Variants in PDE4D observed in about 807,000 individuals in gnomAD.
PDE4D encodes the protein phosphodiesterase 4D, also known as 3',5'-cyclic-AMP phosphodiesterase 4D.
Under a neutral mutation model 87.4 loss-of-function variants are expected in PDE4D, and 24 were observed. That is an observed-to-expected ratio of 0.27 (90% CI 0.20 to 0.39). PDE4D has a LOEUF of 0.39. Among genes scored for constraint, PDE4D ranks in the 10% least tolerant of loss-of-function variants. PDE4D has a pLI of 1.00. For missense variants in PDE4D, 714 were observed against 1,041.0 expected (o/e 0.69, Z 4.32); for synonymous variants, 384 against 383.2 (o/e 1.00, Z -0.02).
At chr5:59,656,136 T>C (rs1744317243) in intron 1 of PDE4D, among the ~76,000 whole-genome samples, 1 of 151,904 alleles carries the variant, frequency 6.6e-6, no homozygotes, top group South Asian at 2.1e-4. Context: ...CACAATCACC[T>C]CACAGACACA....
chr5:59,973,019 GC>G (rs1363474736), intron 3 of PDE4D, among the ~76,000 whole-genome samples: 1 of 151,994 alleles, frequency 6.6e-6, no homozygotes, highest in Non-Finnish European at 1.5e-5. Context: ...ATTCTGAAAG[GC>G]CCAAGTATCC....
In PDE4D at chr5:59,160,835, C is replaced by T. The variant is rs377401099; in HGVS notation, c.808+19760G>A. The stretch of plus-strand genomic sequence containing the variant: ...GTTTTTGGCCGGGTGTGGTGGCTCA[C>T]GCCTGTAATCCCAGCACTTTGGGAG... On this transcript the variant is annotated intron_variant, in intron 5 of 14. Transcript: ENST00000340635. Among the ~76,000 whole-genome samples, 29 of 152,218 alleles carry T rather than the reference C, an allele frequency of 1.9e-4. No homozygotes were observed. In the East Asian group the frequency reaches 2.3e-3, roughly 12 times the overall value.
At chr5:59,899,911 A>G (rs898857979) in intron 3 of PDE4D, among the ~76,000 whole-genome samples, 2 of 152,186 alleles carry the variant, frequency 1.3e-5, no homozygotes, top group African/African-American at 4.8e-5. Context: ...TTGCATTCAT[A>G]TAGCTACAGA....
intron 2 of PDE4D, among the ~76,000 whole-genome samples, chr5:60,028,170 C>T (rs552175447): frequency 4.2e-4 from 64 of 152,298 alleles, no homozygotes; most frequent in African/African-American, 1.5e-3. Flanking sequence ...CTGTTAATCA[C>T]TTATCACTGT....
chr5:59,146,121 C>T (rs1005445520), intron 5 of PDE4D, among the ~76,000 whole-genome samples: 2 of 152,032 alleles, frequency 1.3e-5, no homozygotes, highest in East Asian at 3.9e-4. Context: ...AGCAAGATTC[C>T]GTCTCCAATA....
At chr5:60,482,219 A>T (rs1042544546) in intron 1 of PDE4D, among the ~76,000 whole-genome samples, 1 of 152,130 alleles carries the variant, frequency 6.6e-6, no homozygotes, top group African/African-American at 2.4e-5. Context: ...ATGTGAAGAT[A>T]ATAGGAGAAG....
intron 1 of PDE4D, among the ~76,000 whole-genome samples, chr5:59,312,948 G>A (rs879776919): frequency 1.3e-4 from 20 of 152,224 alleles, no homozygotes; most frequent in Admixed American, 1.3e-3. Context: ...CCAAATGGGA[G>A]GAAGCCCCAC....
At chr5:59,241,549 C>T (rs1000765120) in intron 1 of PDE4D, among the ~76,000 whole-genome samples, 3 of 152,150 alleles carry the variant, frequency 2.0e-5, no homozygotes, top group South Asian at 2.1e-4. Context: ...ATTTGTTAAG[C>T]GCCCAGCTTA....
intron 1 of PDE4D, among the ~76,000 whole-genome samples, chr5:59,507,275 T>C (rs1464218705): frequency 6.6e-6 from 1 of 152,138 alleles, no homozygotes; most frequent in East Asian, 1.9e-4. Flanking sequence ...GAGGCTGCAG[T>C]GAGACGAGTT....
At chr5:59,753,479 C>A (rs1353517808) in intron 1 of PDE4D, among the ~76,000 whole-genome samples, 6 of 152,088 alleles carry the variant, frequency 3.9e-5, no homozygotes, top group African/African-American at 1.4e-4. Context: ...AAGAGTGGAT[C>A]TTCCACGTGG....
At chr5:60,067,390 A>G (rs1772219023) in intron 2 of PDE4D, among the ~76,000 whole-genome samples, 1 of 152,080 alleles carries the variant, frequency 6.6e-6, no homozygotes, top group South Asian at 2.1e-4. Flanking sequence ...AGATGAATTA[A>G]AGGGAGTTTC....
chr5:60,471,679 G>T (rs577729021), intron 1 of PDE4D, among the ~76,000 whole-genome samples: 69 of 152,244 alleles, frequency 4.5e-4, no homozygotes, highest in Non-Finnish European at 7.8e-4. Context: ...CTTGCTGCAG[G>T]CTCAGTGATC....
chr5:59,814,825 TAAG>T (rs1186255917), intron 1 of PDE4D, among the ~76,000 whole-genome samples: 1 of 151,654 alleles, frequency 6.6e-6, no homozygotes, highest in Non-Finnish European at 1.5e-5. Flanking sequence ...GAAAATGTGG[TAAG>T]GAGGAGGAAA....
At position 59,472,856 on chromosome 5, in the gene PDE4D, G is replaced by A. The variant is rs114399265; in HGVS notation, c.456-256888C>T. Among the ~76,000 whole-genome samples, 529 of 152,028 alleles carry A rather than the reference G, an allele frequency of 3.5e-3. 5 individuals are homozygous for A. The highest frequency in any genetic ancestry group is 0.012 in the African/African-American group (517 of 41,496). On this transcript the variant is annotated intron_variant, in intron 1 of 14. Coordinates refer to ENST00000340635, the MANE Select transcript of PDE4D (RefSeq NM_001104631.2). ...TAATGACTTAAAAAAAAGAACTTTG[G>A]ACTAGAAATGCTCTCAACATAGGAG...
Position 59,220,422 on chromosome 5 carries a change from T to TA in PDE4D, c.456-4455dup, listed in dbSNP as rs369438971. 2.2e-3 allele frequency among the ~76,000 whole-genome samples: 255 copies of TA among 114,634 alleles called. 1 individual carries two copies. Among genetic ancestry groups the TA allele is most frequent in the African/African-American group, 6.9e-3 (221 of 32,080 alleles). 75.2% of individuals were successfully genotyped at this position (114,634 alleles called of 152,430 possible). A position where few individuals can be genotyped will look rare whatever the true frequency, so the allele number is the denominator to read the frequency against. Reference sequence around the variant, plus strand: ...AAAAAAGAAAGACAAAAAACAGAGTTAAAAAAAAAAAGGAGAAAAATAAAT... The same window carrying TA: ...AAAAAAGAAAGACAAAAAACAGAGTTAAAAAAAAAAAAGGAGAAAAATAAAT... On this transcript the variant is annotated intron_variant, in intron 1 of 14. Coordinates refer to ENST00000340635, the MANE Select transcript of PDE4D (RefSeq NM_001104631.2).
chr5:59,953,705 T>A (rs896734982), intron 3 of PDE4D, among the ~76,000 whole-genome samples: 4 of 152,178 alleles, frequency 2.6e-5, no homozygotes, highest in African/African-American at 7.2e-5. Flanking sequence ...AGGAATATTA[T>A]GAACAATTAA....
intron 3 of PDE4D, among the ~76,000 whole-genome samples, chr5:59,939,978 T>C (rs902576200): frequency 1.2e-4 from 18 of 152,134 alleles, no homozygotes; most frequent in Admixed American, 5.9e-4. Flanking sequence ...TTATTACTCA[T>C]ACAAGTGGAC....
At position 59,594,439 on chromosome 5, in the gene PDE4D, G is replaced by C. The variant is rs955731365; in HGVS notation, c.455+298729C>G. ...GGGTTCAAGCAATTCTCCTGCCTCA[G>C]CCTCCCCAGTAGCTAGGATTAGAGG... On this transcript the variant is annotated intron_variant, in intron 1 of 14. Coordinates refer to ENST00000340635, the MANE Select transcript of PDE4D (RefSeq NM_001104631.2). Among the ~76,000 whole-genome samples the C allele has an allele frequency of 6.6e-5, 10 of 152,058 alleles. 1 individual carries two copies. In the South Asian group the frequency reaches 2.1e-3, roughly 32 times the overall value.
At chr5:59,793,207 G>C (rs1766026747) in intron 1 of PDE4D, among the ~76,000 whole-genome samples, 4 of 152,194 alleles carry the variant, frequency 2.6e-5, no homozygotes, top group African/African-American at 4.8e-5. Context: ...CACGTCCTGG[G>C]AGATGTCCAG....
Sources: gnomAD v4.1 joint callset for allele counts (sites outside exome capture counted in the v4.1 genomes callset) on GRCh38, gnomAD v4.1.1 for gene constraint, MANE v1.5 for transcripts, NCBI Gene and HGNC (gene_info 2026-07-23, HGNC 2026-07-21) for gene names.